Variants in SH3PXD2B observed in about 807,000 individuals in gnomAD.
SH3PXD2B encodes SH3 and PX domains 2B, also known as SH3 and PX domain-containing protein 2B.
In SH3PXD2B, 37 loss-of-function variants were observed where a neutral mutation model predicts 73.1. That is an observed-to-expected ratio of 0.51 (90% CI 0.39 to 0.67). The LOEUF (loss-of-function observed/expected upper bound fraction) is 0.67, where lower values mean the gene tolerates loss of function less well. Among genes scored for constraint, SH3PXD2B ranks in the 30% least tolerant of loss-of-function variants. The probability of loss-of-function intolerance (pLI) is 0.00; values close to 1 mark genes in which losing one functional copy is unlikely to be tolerated. For synonymous variants in SH3PXD2B, 457 were observed against 480.5 expected (o/e 0.95, Z 0.64); for missense variants, 1,053 against 1,197.8 (o/e 0.88, Z 1.78).
At chr5:172,449,795 C>T (rs112467795) in intron 1 of SH3PXD2B, among the ~76,000 whole-genome samples, 2 of 152,152 alleles carry the variant, frequency 1.3e-5, no homozygotes, top group African/African-American at 2.4e-5. Context: ...AACCCCAAGA[C>T]CGTGGGACCC....
chr5:172,383,849 TTTC>T (rs200295853), intron 4 of SH3PXD2B, among the ~76,000 whole-genome samples: 9 of 147,530 alleles, frequency 6.1e-5, no homozygotes, highest in East Asian at 5.9e-4. Context: ...CCTTTCTTTC[TTTC>T]TTTTTTTTTT....
At chr5:172,365,706 G>T (rs989510109) in intron 6 of SH3PXD2B, among the ~76,000 whole-genome samples, 1 of 152,170 alleles carries the variant, frequency 6.6e-6, no homozygotes, top group African/African-American at 2.4e-5. Flanking sequence ...CTTCCTGCTG[G>T]CCCCATTAAC....
At chr5:172,418,173 T>TG (rs1758871005) in intron 2 of SH3PXD2B, among the ~76,000 whole-genome samples, 1 of 152,216 alleles carries the variant, frequency 6.6e-6, no homozygotes, top group African/African-American at 2.4e-5. Context: ...GGCGAACCAC[T>TG]TAACCTCTCT....
intron 2 of SH3PXD2B, 89 bp from the exon 3 acceptor site, chr5:172,406,441 G>A: frequency 6.9e-7 from 1 of 1,444,898 alleles, no homozygotes; most frequent in Non-Finnish European, 9.7e-7. Context: ...TGTGAAATAT[G>A]TGATGTGATA....
At chr5:172,341,370 C>T (rs1196741220) in intron 12 of SH3PXD2B, among the ~76,000 whole-genome samples, 3 of 152,208 alleles carry the variant, frequency 2.0e-5, no homozygotes, top group African/African-American at 4.8e-5. Flanking sequence ...GTTTGGGTCA[C>T]GGGGGCAGAT....
At chr5:172,397,611 C>T (rs985260228) in intron 3 of SH3PXD2B, among the ~76,000 whole-genome samples, 11 of 152,082 alleles carry the variant, frequency 7.2e-5, no homozygotes, top group Middle Eastern at 3.2e-3. Flanking sequence ...TCAGACTGGC[C>T]GACACTTAGG....
downstream of SH3PXD2B, among the ~76,000 whole-genome samples, chr5:172,329,540 C>CTTTTTTTTTGTTTTTTTTTTTTT (rs1756514754): frequency 9.4e-6 from 1 of 106,460 alleles, no homozygotes. Context: ...CTTTGTTATT[C>CTTTTTTTTTGTTTTTTTTTTTTT]TTTTTTTTTT....
At chr5:172,411,527 C>CA (rs1758694467) in intron 2 of SH3PXD2B, among the ~76,000 whole-genome samples, 1 of 152,146 alleles carries the variant, frequency 6.6e-6, no homozygotes, top group Non-Finnish European at 1.5e-5. Context: ...GCTGGGGACC[C>CA]AACAGCCCTG....
intron 6 of SH3PXD2B, among the ~76,000 whole-genome samples, chr5:172,368,470 A>ATATATATATATATAAAATATATATATAT (rs1757579790): frequency 4.1e-5 from 1 of 24,526 alleles, no homozygotes; most frequent in Non-Finnish European, 6.4e-5. Context: ...TATATATATT[A>ATATATATATATATAAAATATATATATAT]TATATATATA....
intron 2 of SH3PXD2B, among the ~76,000 whole-genome samples, chr5:172,418,883 G>A (rs779796856): frequency 4.6e-5 from 7 of 152,106 alleles, no homozygotes; most frequent in East Asian, 1.9e-4. Flanking sequence ...AAGTTGAGTC[G>A]GAACAGGAGA....
chr5:172,378,156 T>C (rs1381385758), intron 5 of SH3PXD2B, among the ~76,000 whole-genome samples: 2 of 152,204 alleles, frequency 1.3e-5, no homozygotes, highest in African/African-American at 4.8e-5. Flanking sequence ...TCCTTCCTTC[T>C]TGAATGAAGA....
At chr5:172,384,127 A>G (rs1758008012) in intron 4 of SH3PXD2B, among the ~76,000 whole-genome samples, 1 of 152,076 alleles carries the variant, frequency 6.6e-6, no homozygotes, top group Non-Finnish European at 1.5e-5. Flanking sequence ...TACAGGCGTG[A>G]GCCACTGCGC....
In SH3PXD2B at chr5:172,339,451, G is replaced by C. The variant is rs751108167; in HGVS notation, c.1654C>G (p.Pro552Ala). 3.1e-6 allele frequency: 5 copies of C among 1,614,018 alleles called. No individual in the cohort carries two copies. In the South Asian group the frequency reaches 5.5e-5, roughly 18 times the overall value. The change falls in exon 13 of 13, where the codon CCC becomes GCC. Residue 552 changes from proline (P) to alanine (A), a missense_variant. Physicochemically the swap from Pro to Ala is conservative, Grantham distance 27. This residue lies in a region of SH3PXD2B where 587 missense variants were observed against 590.7 expected (regional missense o/e 0.99). Coordinates refer to ENST00000311601, the MANE Select transcript of SH3PXD2B (RefSeq NM_001017995.3). The surrounding 1 kb of genome is among the most constrained non-coding windows in gnomAD (Gnocchi z 6.1). The part of the protein sequence containing the change: ...ERQRTEQLRG[P>A]TPKPPGVILP... ...ATCACGCCCGGAGGCTTGGGAGTGGGGCCCCGGAGCTGCTCCGTCCTCTGC... is the reference window on the plus strand; with the variant it reads ...ATCACGCCCGGAGGCTTGGGAGTGGCGCCCCGGAGCTGCTCCGTCCTCTGC...
intron 2 of SH3PXD2B, among the ~76,000 whole-genome samples, chr5:172,410,012 G>A (rs560011525): frequency 3.9e-5 from 6 of 152,302 alleles, no homozygotes; most frequent in African/African-American, 4.8e-5. Flanking sequence ...CACTGTGCCC[G>A]GCCCATACCA....
chr5:172,427,556 T>C (rs548381571), intron 1 of SH3PXD2B, among the ~76,000 whole-genome samples: 1 of 152,238 alleles, frequency 6.6e-6, no homozygotes, highest in Non-Finnish European at 1.5e-5. Context: ...CTTGCTTTGT[T>C]GCCTAGGCTG....
chr5:172,393,078 G>C (rs185487174), intron 4 of SH3PXD2B, among the ~76,000 whole-genome samples: 3 of 152,224 alleles, frequency 2.0e-5, no homozygotes, highest in Admixed American at 6.5e-5. Flanking sequence ...CTTGAGGATT[G>C]GCTTGTCAAT....
rs1169050791 is a variant in SH3PXD2B, at chr5:172,346,142, C to T, written c.1182G>A (p.Lys394=). Residue 394 remains lysine (K), a synonymous_variant, in exon 12 of 13, where the codon AAG becomes AAA. Transcript: ENST00000311601. The part of the protein sequence containing the change: ...PDGISFQAGL[K]VEVIEKNLSG... The stretch of plus-strand genomic sequence containing the variant: ...GAACACCAGGGCCACTCACCTCGAC[C>T]TTCAGGCCTGCCTGGAAGCTGATGC... The T allele has an allele frequency of 6.2e-7, 1 of 1,614,136 alleles. No homozygotes were observed. Among genetic ancestry groups the T allele is most frequent in the Non-Finnish European group, 8.5e-7 (1 of 1,180,008 alleles).
chr5:172,370,249 T>C lies in SH3PXD2B; in HGVS notation c.427+3541A>G, dbSNP rs141812350. ...AAAGAAGGCTTCAGTTAAGTGAAGA[T>C]CCAGTTAAGTCAGGTTTACTCTGTC... On this transcript the variant is annotated intron_variant, in intron 6 of 12. Transcript: ENST00000311601. 5.7e-3 allele frequency among the ~76,000 whole-genome samples: 868 copies of C among 152,326 alleles called. 2 individuals are homozygous for C. Among genetic ancestry groups the C allele is most frequent in the Middle Eastern group, 0.014 (4 of 294 alleles).
rs201056900 is a variant in SH3PXD2B at position 172,362,869 on chromosome 5, C to A, written c.428G>T (p.Gly143Val). The change falls in exon 7 of 13, where the codon GGG (glycine) becomes GTG (valine). Residue 143 changes from glycine to valine, a missense_variant and splice_region_variant. This residue lies in a region of SH3PXD2B where 466 missense variants were observed against 607.1 expected (regional missense o/e 0.77). Transcript: ENST00000311601. Reference sequence around the variant, plus strand: ...GGGGTCCACTGAGGTTTGGTCACCCCCTGTGGATAGGAAACAGACATGACA... The same window carrying A: ...GGGGTCCACTGAGGTTTGGTCACCCACTGTGGATAGGAAACAGACATGACA... ...KEEHIGKKKS[G>V]GDQTSVDPMV... 1.4e-5 allele frequency: 22 copies of A among 1,613,972 alleles called. No homozygotes were observed. Among genetic ancestry groups the A allele is most frequent in the Admixed American group, 1.7e-5 (1 of 60,002 alleles).
Sources: gnomAD v4.1 joint callset for allele counts (sites outside exome capture counted in the v4.1 genomes callset) on GRCh38, gnomAD v4.1.1 for gene constraint, gnomAD v4.1.1 regional missense constraint, Gnocchi (gnomAD v3.1) non-coding constraint, MANE v1.5 for transcripts, NCBI Gene and HGNC (gene_info 2026-07-23, HGNC 2026-07-21) for gene names.